Variants in ATP11A observed in about 807,000 individuals in gnomAD.
ATP11A encodes phospholipid-transporting ATPase IH.
Under a neutral mutation model 154.4 loss-of-function variants are expected in ATP11A, and 81 were observed. The ratio of observed to expected loss-of-function variants is 0.52; its 90% CI spans 0.44 to 0.63. The LOEUF (loss-of-function observed/expected upper bound fraction) is 0.63, where lower values mean the gene tolerates loss of function less well. ATP11A is among the 30% of genes least tolerant of loss of function. ATP11A has a pLI of 0.00. For missense variants in ATP11A, 1,316 were observed against 1,474.3 expected (o/e 0.89, Z 1.76); for synonymous variants, 623 against 585.9 (o/e 1.06, Z -0.91).
intron 1 of ATP11A, among the ~76,000 whole-genome samples, chr13:112,710,153 A>G (rs571335357): frequency 6.6e-6 from 1 of 152,332 alleles, no homozygotes; most frequent in South Asian, 2.1e-4. Flanking sequence ...TGCAGTCGGG[A>G]ATCACGAGTG....
intron 6 of ATP11A, among the ~76,000 whole-genome samples, chr13:112,817,679 C>T (rs2078683085): frequency 6.6e-6 from 1 of 152,194 alleles, no homozygotes; most frequent in Admixed American, 6.5e-5. Context: ...TGAACAGATG[C>T]TGTGGGTCTC....
intron 25 of ATP11A, among the ~76,000 whole-genome samples, chr13:112,866,603 C>T (rs1010063714): frequency 6.4e-5 from 4 of 62,220 alleles, no homozygotes; most frequent in East Asian, 5.1e-4. Flanking sequence ...CAGACACCAG[C>T]GCTGACCTCG....
chr13:112,765,315 C>T (rs1259645890), intron 1 of ATP11A, among the ~76,000 whole-genome samples: 1 of 152,144 alleles, frequency 6.6e-6, no homozygotes, highest in Non-Finnish European at 1.5e-5. Context: ...CTTGGGGAGG[C>T]CTCTGAGGAC....
intron 19 of ATP11A, among the ~76,000 whole-genome samples, chr13:112,855,275 C>T (rs1281997817): frequency 6.6e-6 from 1 of 152,104 alleles, no homozygotes; most frequent in Non-Finnish European, 1.5e-5. Flanking sequence ...GATCTTGGCT[C>T]ACTGTGACCT....
chr13:112,753,253 T>A lies in ATP11A; in HGVS notation c.40-31882T>A, dbSNP rs530882807. 3.9e-5 allele frequency among the ~76,000 whole-genome samples: 6 copies of A among 152,300 alleles called. No homozygotes were observed. In the East Asian group the frequency reaches 1.2e-3, roughly 29 times the overall value. The stretch of plus-strand genomic sequence containing the variant: ...CTCCCCCGCCCCTGGCCGCCCCACA[T>A]CATGGACAGCTGGGCTCCAATCTTC... On this transcript the variant is annotated intron_variant, in intron 1 of 29. Coordinates refer to ENST00000375645, the MANE Select transcript of ATP11A (RefSeq NM_015205.3). The surrounding 1 kb of genome is among the most constrained non-coding windows in gnomAD (Gnocchi z 4.1).
At chr13:112,810,498 C>A (rs1157179767) in intron 4 of ATP11A, 121 bp from the exon 5 acceptor site, 2 of 784,970 alleles carry the variant, frequency 2.5e-6, no homozygotes, top group Non-Finnish European at 2.1e-6. Flanking sequence ...GAAAAATACA[C>A]CCCCACAGGC....
rs559056523 is a variant in ATP11A at position 112,838,911 on chromosome 13, C to T, written c.1705+2660C>T. Among the ~76,000 whole-genome samples the T allele has an allele frequency of 1.3e-5, 2 of 152,300 alleles. No homozygotes were observed. Among genetic ancestry groups the T allele is most frequent in the Non-Finnish European group, 2.9e-5 (2 of 68,010 alleles). ...TTGCACTGGAGTTCTCCCTGCTGGGCGGGGAGACCCTGCAGCCAGCTCACA... is the reference window on the plus strand; with the variant it reads ...TTGCACTGGAGTTCTCCCTGCTGGGTGGGGAGACCCTGCAGCCAGCTCACA... On this transcript the variant is annotated intron_variant, in intron 16 of 29. Transcript: ENST00000375645. This position sits in a 1 kb window ranked among gnomAD's most constrained non-coding sequence, Gnocchi z 7.3.
At chr13:112,755,401 T>C (rs564757318) in intron 1 of ATP11A, among the ~76,000 whole-genome samples, 117 of 152,286 alleles carry the variant, frequency 7.7e-4, no homozygotes, top group African/African-American at 2.7e-3. Flanking sequence ...CTTGTCTGCG[T>C]CCCTTGTAGC....
chr13:112,730,033 ATC>A (rs1385148788), intron 1 of ATP11A, among the ~76,000 whole-genome samples: 2 of 152,202 alleles, frequency 1.3e-5, no homozygotes, highest in East Asian at 3.9e-4. Context: ...GCAGAGTCTC[ATC>A]TCTGTGTCCA....
chr13:112,842,924 T>C (rs1566560026), intron 17 of ATP11A, among the ~76,000 whole-genome samples: 1 of 152,372 alleles, frequency 6.6e-6, no homozygotes, highest in Admixed American at 6.5e-5. Flanking sequence ...TTTCTGTCTT[T>C]GGGGCTGCTG....
rs767702766 is a variant in ATP11A, at chr13:112,826,691, C to A, written c.1024-3C>A. On this transcript the variant is annotated splice_region_variant and splice_polypyrimidine_tract_variant and intron_variant, in intron 11 of 29. Coordinates refer to ENST00000375645, the MANE Select transcript of ATP11A (RefSeq NM_015205.3). ...TGCTGACCCGCACCTTCTGCTCTTG[C>A]AGTTCCTCAAGGCATTCACGGACTT... The A allele has an allele frequency of 5.6e-6, 9 of 1,613,862 alleles. No individual in the cohort carries two copies. The highest frequency in any genetic ancestry group is 5.0e-5 in the Admixed American group (3 of 60,010).
chr13:112,827,736 A>G (rs1003437766), intron 12 of ATP11A, among the ~76,000 whole-genome samples: 8 of 152,236 alleles, frequency 5.3e-5, no homozygotes, highest in African/African-American at 1.4e-4. Context: ...TGAAATCTCC[A>G]TCTCGCTCCC....
chr13:112,803,504 T>C (rs2078192970), intron 2 of ATP11A, among the ~76,000 whole-genome samples: 1 of 152,332 alleles, frequency 6.6e-6, no homozygotes, highest in East Asian at 1.9e-4. Flanking sequence ...TTCGGTAGAC[T>C]GTCTTCATTA....
At chr13:112,881,517 C>T (rs2080884106) in intron 29 of ATP11A, 14 of 1,129,220 alleles carry the variant, frequency 1.2e-5, no homozygotes, top group Non-Finnish European at 1.5e-5. Context: ...CGTCCATGGC[C>T]TGTATCCCTG....
At chr13:112,801,989 G>T (rs904244817) in intron 2 of ATP11A, among the ~76,000 whole-genome samples, 1 of 152,176 alleles carries the variant, frequency 6.6e-6, no homozygotes, top group Non-Finnish European at 1.5e-5. Context: ...ACTGACACTA[G>T]CCCACTTTAG....
chr13:112,811,657 G>A (rs1014228380), intron 5 of ATP11A: 3 of 152,158 alleles, frequency 2.0e-5, no homozygotes, highest in Non-Finnish European at 2.9e-5. Context: ...CCAGGCTGGA[G>A]TGCAATAGCA....
intron 2 of ATP11A, among the ~76,000 whole-genome samples, chr13:112,803,063 G>C (rs1350165523): frequency 6.6e-6 from 1 of 152,166 alleles, no homozygotes; most frequent in African/African-American, 2.4e-5. Context: ...TAGTTGTCAT[G>C]AACTGGGGGG....
intron 1 of ATP11A, among the ~76,000 whole-genome samples, chr13:112,721,531 TC>T (rs1156799521): frequency 1.3e-5 from 2 of 152,138 alleles, no homozygotes; most frequent in African/African-American, 2.4e-5. Context: ...AGAAACAGCT[TC>T]CCGTGTTCTT....
intron 2 of ATP11A, among the ~76,000 whole-genome samples, chr13:112,792,968 C>T (rs2077900041): frequency 6.6e-6 from 1 of 152,210 alleles, no homozygotes; most frequent in South Asian, 2.1e-4. Context: ...ATTCCCTCTG[C>T]AATTCGTAGG....
Sources: allele counts gnomAD v4.1 joint callset (sites outside exome capture counted in the v4.1 genomes callset), GRCh38; gene constraint gnomAD v4.1.1; non-coding constraint Gnocchi (gnomAD v3.1); transcripts MANE v1.5; gene names NCBI Gene and HGNC (gene_info 2026-07-23, HGNC 2026-07-21).